Variants in DNAJB6 observed in about 807,000 individuals in gnomAD.
DNAJB6 encodes DnaJ heat shock protein family (Hsp40) member B6.
DNAJB6 carries 16 observed loss-of-function variants against 42.7 expected under a neutral mutation model. That is an observed-to-expected ratio of 0.37 (90% CI 0.25 to 0.57). The LOEUF is 0.57. Among genes scored for constraint, DNAJB6 ranks in the 20% least tolerant of loss-of-function variants. The probability of loss-of-function intolerance (pLI) is 0.74; values close to 1 mark genes in which losing one functional copy is unlikely to be tolerated. For missense variants in DNAJB6, 347 were observed against 416.8 expected (o/e 0.83, Z 1.46); for synonymous variants, 170 against 163.5 (o/e 1.04, Z -0.30).
intron 8 of DNAJB6, among the ~76,000 whole-genome samples, chr7:157,406,692 G>A (rs566501201): frequency 4.6e-5 from 7 of 152,212 alleles, no homozygotes; most frequent in Non-Finnish European, 7.4e-5. Flanking sequence ...GCCCGCAGCC[G>A]GCCAGCTCAG....
intron 3 of DNAJB6, among the ~76,000 whole-genome samples, chr7:157,366,045 G>A (rs1799828360): frequency 6.6e-6 from 1 of 152,104 alleles, no homozygotes; most frequent in African/African-American, 2.4e-5. Flanking sequence ...CCGCCTCCCG[G>A]GTTCCAGCTA....
At chr7:157,349,173 G>A (rs1395429494) in intron 1 of DNAJB6, among the ~76,000 whole-genome samples, 4 of 152,106 alleles carry the variant, frequency 2.6e-5, no homozygotes, top group African/African-American at 9.7e-5. Flanking sequence ...GTGAGACCCT[G>A]CAACGGCCAT....
At chr7:157,352,601 TG>T (rs1799050758) in intron 1 of DNAJB6, among the ~76,000 whole-genome samples, 1 of 152,126 alleles carries the variant, frequency 6.6e-6, no homozygotes, top group Admixed American at 6.5e-5. Context: ...GGCGGCTGTC[TG>T]TGTGCCCATC....
At chr7:157,393,081 C>T (rs1364637856) in intron 8 of DNAJB6, among the ~76,000 whole-genome samples, 2 of 152,134 alleles carry the variant, frequency 1.3e-5, no homozygotes, top group Admixed American at 6.5e-5. Context: ...TCAAGCGATT[C>T]TCCTGCCTCA....
chr7:157,344,280 G>T (rs2116865337), intron 1 of DNAJB6, among the ~76,000 whole-genome samples: 1 of 152,190 alleles, frequency 6.6e-6, no homozygotes, highest in East Asian at 1.9e-4. Context: ...GGCGGAGCTT[G>T]CAGTGAGCCG....
At chr7:157,381,745 C>CGTGTGT (rs3839841) in intron 5 of DNAJB6, 26,222 of 148,624 alleles carry the variant, frequency 0.18, 2,414 homozygotes, top group East Asian at 0.31. Flanking sequence ...CACCATTCCT[C>CGTGTGT]GTGTGTGTGT....
chr7:157,398,415 C>T (rs1414810204), intron 8 of DNAJB6, among the ~76,000 whole-genome samples: 2 of 152,202 alleles, frequency 1.3e-5, no homozygotes, highest in Admixed American at 1.3e-4. Flanking sequence ...CCAGGGGCCT[C>T]GTGGATTGTG....
At chr7:157,385,892 T>C (rs1405636927) in intron 8 of DNAJB6, 1 of 1,081,868 alleles carries the variant, frequency 9.2e-7, no homozygotes, top group Non-Finnish European at 1.2e-6. Flanking sequence ...CACTTTGCTT[T>C]TTTATTAAAC....
chr7:157,345,089 G>A (rs1262168351), intron 1 of DNAJB6, among the ~76,000 whole-genome samples: 1 of 152,016 alleles, frequency 6.6e-6, no homozygotes, highest in Non-Finnish European at 1.5e-5. Flanking sequence ...TGCCTTCCAG[G>A]TTCAAGTGAT....
At chr7:157,371,916 C>T (rs1226614249) in intron 5 of DNAJB6, among the ~76,000 whole-genome samples, 1 of 152,162 alleles carries the variant, frequency 6.6e-6, no homozygotes, top group African/African-American at 2.4e-5. Context: ...CAAAGCGAAC[C>T]TTTAAGGTTT....
intron 1 of DNAJB6, among the ~76,000 whole-genome samples, chr7:157,347,662 C>G (rs1410368790): frequency 6.6e-6 from 1 of 152,136 alleles, no homozygotes; most frequent in Non-Finnish European, 1.5e-5. Flanking sequence ...CATTGTTGCC[C>G]CAGCTCCTTT....
chr7:157,388,321 T>C (rs1238286280), intron 8 of DNAJB6, among the ~76,000 whole-genome samples: 1 of 152,218 alleles, frequency 6.6e-6, no homozygotes, highest in African/African-American at 2.4e-5. Flanking sequence ...CTTTGAAAAG[T>C]TAGGAAATGG....
At chr7:157,350,697 T>C (rs7456383) in intron 1 of DNAJB6, among the ~76,000 whole-genome samples, 1 of 116,256 alleles carries the variant, frequency 8.6e-6, no homozygotes. Context: ...TTTTTTTTTT[T>C]ATTTTTTTTT....
rs116942948 is a variant in DNAJB6, at chr7:157,362,364, C to T, written c.66-797C>T. On this transcript the variant is annotated intron_variant, in intron 2 of 9. Coordinates refer to ENST00000262177, the MANE Select transcript of DNAJB6 (RefSeq NM_058246.4). ...GGATCTTGCTGCTCAGTGACCCAGG[C>T]CTTTTTTTCCCTTTTTAAAAATTTT... Among the ~76,000 whole-genome samples, 365 of 152,094 alleles carry T rather than the reference C, an allele frequency of 2.4e-3. 10 individuals carry two copies. In the East Asian group the frequency reaches 0.055, roughly 23 times the overall value.
chr7:157,339,644 T>TGTGTGTGTGA (rs1554449673), intron 1 of DNAJB6, among the ~76,000 whole-genome samples: 1 of 36,504 alleles, frequency 2.7e-5, no homozygotes. Context: ...TGTGTGTGTG[T>TGTGTGTGTGA]GTGAGATGGA....
chr7:157,366,150 C>A (rs778788031), intron 3 of DNAJB6, among the ~76,000 whole-genome samples: 2 of 152,080 alleles, frequency 1.3e-5, no homozygotes, highest in Non-Finnish European at 2.9e-5. Context: ...GAGGTTTCAC[C>A]ATATTGGCCA....
At chr7:157,338,203 G>C (rs1383255319) in intron 1 of DNAJB6, among the ~76,000 whole-genome samples, 2 of 152,302 alleles carry the variant, frequency 1.3e-5, no homozygotes, top group Middle Eastern at 6.8e-3. Context: ...GCTGCTTCGT[G>C]TTTAACCGCA....
At chr7:157,358,220 G>T (rs1454840418) in intron 1 of DNAJB6, among the ~76,000 whole-genome samples, 2 of 152,218 alleles carry the variant, frequency 1.3e-5, no homozygotes. Context: ...CCGTGTCTAG[G>T]AACACATGAC....
At chr7:157,361,683 G>A (rs943080142) in intron 2 of DNAJB6, among the ~76,000 whole-genome samples, 1 of 152,122 alleles carries the variant, frequency 6.6e-6, no homozygotes, top group African/African-American at 2.4e-5. Context: ...CTTTTTTAAC[G>A]TTACCCTCCT....
Sources: gnomAD v4.1 joint callset for allele counts (sites outside exome capture counted in the v4.1 genomes callset) on GRCh38, gnomAD v4.1.1 for gene constraint, MANE v1.5 for transcripts, NCBI Gene and HGNC (gene_info 2026-07-23, HGNC 2026-07-21) for gene names.